MBD5: variants seen among roughly 807,000 people sequenced by gnomAD.
The protein encoded by MBD5 is methyl-CpG-binding domain protein 5.
MBD5 carries 13 observed loss-of-function variants against 117.3 expected under a neutral mutation model. The ratio of observed to expected loss-of-function variants is 0.11; its 90% CI spans 0.07 to 0.18. The LOEUF (loss-of-function observed/expected upper bound fraction) is 0.18. MBD5 is among the 10% of genes least tolerant of loss of function. The probability of loss-of-function intolerance (pLI) is 1.00; values close to 1 mark genes in which losing one functional copy is unlikely to be tolerated. For missense variants in MBD5, 1,879 were observed against 2,093.8 expected, an observed-to-expected ratio of 0.90 and a Z score of 2.00; for synonymous variants, 727 against 766.4, an observed-to-expected ratio of 0.95 and a Z score of 0.85.
intron 4 of MBD5, among the ~76,000 whole-genome samples, chr2:148,419,882 A>C (rs1024467463): frequency 6.6e-6 from 1 of 152,126 alleles, no homozygotes; most frequent in Non-Finnish European, 1.5e-5. Context: ...ATTTAAGATC[A>C]GTCTAATTCC....
chr2:148,344,866 A>G (rs1703047244), intron 4 of MBD5, among the ~76,000 whole-genome samples: 1 of 151,908 alleles, frequency 6.6e-6, no homozygotes, highest in South Asian at 2.1e-4. Context: ...CTTAAGTGAT[A>G]TGTATTCATA....
At chr2:148,386,329 A>C (rs1406083689) in intron 4 of MBD5, among the ~76,000 whole-genome samples, 2 of 152,206 alleles carry the variant, frequency 1.3e-5, no homozygotes, top group Non-Finnish European at 2.9e-5. Flanking sequence ...GTGGAAGTTT[A>C]ATTAGTTAAA....
chr2:148,090,997 G>A (rs1285107206), intron 1 of MBD5, among the ~76,000 whole-genome samples: 1 of 152,078 alleles, frequency 6.6e-6, no homozygotes, highest in East Asian at 1.9e-4. Flanking sequence ...AAATCAATGT[G>A]CACAAGTCAG....
chr2:148,093,064 A>C (rs926969364), intron 1 of MBD5, among the ~76,000 whole-genome samples: 1 of 151,976 alleles, frequency 6.6e-6, no homozygotes, highest in Non-Finnish European at 1.5e-5. Flanking sequence ...ATTACATGCC[A>C]CCACGGCCAG....
At chr2:148,082,506 A>G (rs1227851565) in intron 1 of MBD5, among the ~76,000 whole-genome samples, 1 of 152,092 alleles carries the variant, frequency 6.6e-6, no homozygotes, top group East Asian at 1.9e-4. Flanking sequence ...TTCTTCTCTG[A>G]TTGGCATTAG....
At chr2:148,154,613 G>A (rs879247921) in intron 1 of MBD5, among the ~76,000 whole-genome samples, 4 of 152,222 alleles carry the variant, frequency 2.6e-5, no homozygotes, top group African/African-American at 2.4e-5. Context: ...CTCTGAGCCA[G>A]GTGCGGGATA....
At chr2:148,174,806 A>G (rs890517465) in intron 1 of MBD5, among the ~76,000 whole-genome samples, 17 of 152,058 alleles carry the variant, frequency 1.1e-4, no homozygotes, top group African/African-American at 3.9e-4. Flanking sequence ...ACAAAAGATA[A>G]CAAATGTTGA....
At chr2:148,376,759 AT>A (rs575580666) in intron 4 of MBD5, among the ~76,000 whole-genome samples, 6,576 of 139,910 alleles carry the variant, frequency 0.047, 224 homozygotes, top group Non-Finnish European at 0.075. Context: ...AATTATATAT[AT>A]TTATATAATT....
chr2:148,293,297 A>G (rs185127672), intron 3 of MBD5, among the ~76,000 whole-genome samples: 1 of 152,180 alleles, frequency 6.6e-6, no homozygotes, highest in East Asian at 1.9e-4. Context: ...CAAAAACTAT[A>G]AAGAAGGAAT....
At chr2:148,324,660 C>G (rs78892999) in intron 3 of MBD5, among the ~76,000 whole-genome samples, 6,488 of 151,928 alleles carry the variant, frequency 0.043, 176 homozygotes, top group Non-Finnish European at 0.058. Flanking sequence ...TATAAGAATG[C>G]TTGTGATTTT....
intron 3 of MBD5, among the ~76,000 whole-genome samples, chr2:148,246,870 G>A (rs575338774): frequency 2.1e-4 from 32 of 150,566 alleles, no homozygotes; most frequent in African/African-American, 7.6e-4. Context: ...AGACATTATA[G>A]AAAGAAGTTA....
intron 1 of MBD5, among the ~76,000 whole-genome samples, chr2:148,112,567 A>G (rs569134990): frequency 6.6e-6 from 1 of 152,204 alleles, no homozygotes; most frequent in Non-Finnish European, 1.5e-5. Context: ...TTTGCAGTTC[A>G]TGGTTTACAG....
At chr2:148,062,215 A>G (rs545670899) in intron 1 of MBD5, 1 of 151,800 alleles carries the variant, frequency 6.6e-6, no homozygotes, top group East Asian at 1.9e-4. Context: ...ATGTATATAC[A>G]TGTATCATTT....
intron 3 of MBD5, among the ~76,000 whole-genome samples, chr2:148,259,035 A>T (rs780303314): frequency 2.6e-5 from 4 of 152,170 alleles, no homozygotes; most frequent in Non-Finnish European, 5.9e-5. Context: ...TGAAATGTTC[A>T]TCATCTGGCC....
chr2:148,305,394 A>T (rs923286314), intron 3 of MBD5, among the ~76,000 whole-genome samples: 1 of 152,216 alleles, frequency 6.6e-6, no homozygotes, highest in Non-Finnish European at 1.5e-5. Flanking sequence ...CAGGCATTTA[A>T]TGAGTGGCAT....
intron 9 of MBD5, 110 bp from the exon 10 acceptor site, chr2:148,485,632 C>A: frequency 1.2e-6 from 1 of 811,344 alleles, no homozygotes; most frequent in South Asian, 1.5e-5. Context: ...AAGCATTACC[C>A]AAGTAAGCAT....
rs949292858 is a variant in MBD5 at position 148,161,000 on chromosome 2, A to G, written c.-924-17700A>G. ...TGGGAGAAGACTCATTTTCTTGCAC[A>G]TACTGCCTTCTACCTTTTCTTCTGT... On this transcript the variant is annotated intron_variant, in intron 1 of 13. Transcript: ENST00000642680. Among the ~76,000 whole-genome samples, 3 of 152,176 alleles carry G rather than the reference A, an allele frequency of 2.0e-5. No homozygotes were observed. The East Asian group carries it at 5.8e-4, about 29-fold the overall frequency.
chr2:148,384,012 T>C (rs923644791), intron 4 of MBD5, among the ~76,000 whole-genome samples: 6 of 152,126 alleles, frequency 3.9e-5, no homozygotes, highest in African/African-American at 1.4e-4. Context: ...TCATACTGAA[T>C]GGACAAAAAC....
chr2:148,143,823 G>C (rs1697376243), intron 1 of MBD5, among the ~76,000 whole-genome samples: 1 of 152,074 alleles, frequency 6.6e-6, no homozygotes, highest in Non-Finnish European at 1.5e-5. Flanking sequence ...TGGTGTATAT[G>C]TGCTACATTT....
Sources: gnomAD v4.1 joint callset for allele counts (sites outside exome capture counted in the v4.1 genomes callset) on GRCh38, gnomAD v4.1.1 for gene constraint, MANE v1.5 for transcripts, NCBI Gene and HGNC (gene_info 2026-07-23, HGNC 2026-07-21) for gene names.